ZNF662: variants seen among roughly 807,000 people sequenced by gnomAD.
The protein encoded by ZNF662 is zinc finger protein 662.
Under a neutral mutation model 12.4 loss-of-function variants are expected in ZNF662, and 14 were observed. The ratio of observed to expected loss-of-function variants is 1.13; its 90% CI spans 0.75 to 1.77. ZNF662 has a LOEUF of 1.77. Ranked by LOEUF, ZNF662 falls within the 40% of genes most tolerant of loss-of-function variation. The probability of loss-of-function intolerance (pLI) is 0.00; values close to 1 mark genes in which losing one functional copy is unlikely to be tolerated. For missense variants in ZNF662, 550 were observed against 515.6 expected, an observed-to-expected ratio of 1.07 and a Z score of -0.65; for synonymous variants, 184 against 176.4, an observed-to-expected ratio of 1.04 and a Z score of -0.34.
rs1473881937 is a variant in ZNF662, at chr3:42,915,631, TCTC to T, written c.*279_*281del. On this transcript the variant is annotated 3_prime_UTR_variant, in exon 5 of 5. Transcript: ENST00000440367. ...ACAATCCTATTAAGGTAGGTGCTCT[TCTC>T]CCCATTTTACAAATGAGAAATCTGA... is the stretch of plus-strand genomic sequence containing the variant. 3 of 312,388 alleles carry T rather than the reference TCTC, an allele frequency of 9.6e-6. No homozygotes were observed. Among genetic ancestry groups the T allele is most frequent in the African/African-American group, 6.4e-5 (3 of 47,140 alleles). 19.4% of individuals were successfully genotyped at this position (312,388 alleles called of 1,614,324 possible). A position where few individuals can be genotyped will look rare whatever the true frequency, so the allele number is the denominator to read the frequency against.
rs766450171 is a variant in ZNF662, at chr3:42,914,525, C to T, written c.452C>T (p.Thr151Ile). The change falls in exon 5 of 5, where the codon ACA (threonine) becomes ATA (isoleucine). Residue 151 changes from threonine to isoleucine, a missense_variant. Coordinates refer to ENST00000440367, the MANE Select transcript of ZNF662 (RefSeq NM_207404.4). ...YLNGGRMESS[T>I]NDIIEVIVKD... ...AATGGGGGACGTATGGAAAGTTCTACAAATGATATTATAGAAGTGATTGTC... is the reference window on the plus strand; with the variant it reads ...AATGGGGGACGTATGGAAAGTTCTATAAATGATATTATAGAAGTGATTGTC... The T allele has an allele frequency of 5.0e-6, 8 of 1,613,742 alleles. 1 individual carries two copies. In the South Asian group the frequency reaches 8.8e-5, roughly 18 times the overall value.
rs1462247276 is a variant in ZNF662, at chr3:42,918,356, C to G, written c.*3002C>G. On this transcript the variant is annotated 3_prime_UTR_variant, in exon 5 of 5. Coordinates refer to ENST00000440367, the MANE Select transcript of ZNF662 (RefSeq NM_207404.4). ...AAGAGGGGTCCTGCATGCAGGTTTT[C>G]CATCTCACTAAACTGAATACCAGGC... 6.6e-6 allele frequency among the ~76,000 whole-genome samples: 1 copy of G among 152,030 alleles called. No individual in the cohort carries two copies. The highest frequency in any genetic ancestry group is 2.4e-5 in the African/African-American group (1 of 41,434).
Position 42,915,233 on chromosome 3 carries a change from C to A in ZNF662, c.1160C>A (p.Pro387His). The part of the protein sequence containing the change: ...RHQRIHTGER[P>H]YKCNDCGKAF... ...CAAAGAATCCATACTGGGGAAAGAC[C>A]CTATAAATGTAATGACTGTGGGAAG... is the stretch of plus-strand genomic sequence containing the variant. The change falls in exon 5 of 5, where the codon CCC becomes CAC. Residue 387 changes from proline to histidine, a missense_variant. Coordinates refer to ENST00000440367, the MANE Select transcript of ZNF662 (RefSeq NM_207404.4). 1 of 1,613,920 alleles carries A rather than the reference C, an allele frequency of 6.2e-7. No individual in the cohort carries two copies. Among genetic ancestry groups the A allele is most frequent in the Non-Finnish European group, 8.5e-7 (1 of 1,179,974 alleles).
At chr3:42,912,224 T>A (rs1313683107) in intron 3 of ZNF662, among the ~76,000 whole-genome samples, 2 of 135,456 alleles carry the variant, frequency 1.5e-5, no homozygotes, top group East Asian at 2.0e-4. Flanking sequence ...ATCATATAAA[T>A]AAAATATATA....
At position 42,908,423 on chromosome 3, in the gene ZNF662, C is replaced by T. The variant is rs565106455; in HGVS notation, c.34+275C>T. 4.6e-5 allele frequency: 58 copies of T among 1,273,896 alleles called. 1 individual carries two copies. The highest frequency in any genetic ancestry group is 4.5e-5 in the Non-Finnish European group (45 of 1,009,020). 78.9% of individuals were successfully genotyped at this position (1,273,896 alleles called of 1,614,324 possible). ...AGAAGAGAGCAAATTCATGGTGCTCCACTGAGCCTTCAGTTCCCTCCCCTC... is the reference window on the plus strand; with the variant it reads ...AGAAGAGAGCAAATTCATGGTGCTCTACTGAGCCTTCAGTTCCCTCCCCTC... On this transcript the variant is annotated intron_variant, in intron 2 of 4. Transcript: ENST00000440367.
intron 3 of ZNF662, among the ~76,000 whole-genome samples, chr3:42,911,698 T>A (rs145603432): frequency 2.0e-5 from 3 of 150,668 alleles, no homozygotes; most frequent in East Asian, 3.9e-4. Flanking sequence ...GGATGAAGGT[T>A]ACAAAGAGAC....
In ZNF662 at chr3:42,912,558, A is replaced by ATATTTATATATTTAATATAAATATATT. The variant is rs3045049; in HGVS notation, c.152-640_152-639insTTATATATTTAATATAAATATATTTAT. 9.4e-3 allele frequency among the ~76,000 whole-genome samples: 840 copies of ATATTTATATATTTAATATAAATATATT among 89,138 alleles called. 29 individuals are homozygous for ATATTTATATATTTAATATAAATATATT. Among genetic ancestry groups the ATATTTATATATTTAATATAAATATATT allele is most frequent in the East Asian group, 0.046 (147 of 3,174 alleles). 58.5% of individuals were successfully genotyped at this position (89,138 alleles called of 152,430 possible). On this transcript the variant is annotated intron_variant, in intron 3 of 4. Coordinates refer to ENST00000440367, the MANE Select transcript of ZNF662 (RefSeq NM_207404.4). ...ATATATTTATATATTTAATATAAAT[A>ATATTTATATATTTAATATAAATATATT]TATATATAAATACATATTTTATATA...
chr3:42,907,583 TA>T, intron 1 of ZNF662: 1 of 742,908 alleles, frequency 1.3e-6, no homozygotes, highest in Non-Finnish European at 1.6e-6. Flanking sequence ...TTTCCTCTTC[TA>T]AAAAACGGAT....
chr3:42,912,671 T>TTATA (rs1353980486), intron 3 of ZNF662, among the ~76,000 whole-genome samples: 3 of 46,078 alleles, frequency 6.5e-5, no homozygotes, highest in Admixed American at 4.7e-4. Flanking sequence ...TATATATTTT[T>TTATA]TATATATATA....
intron 3 of ZNF662, among the ~76,000 whole-genome samples, chr3:42,909,829 C>T (rs1255305109): frequency 2.0e-5 from 3 of 150,700 alleles, no homozygotes; most frequent in South Asian, 2.1e-4. Context: ...AGTTCCCAGA[C>T]GGGGTCGCGG....
At position 42,915,283 on chromosome 3, in the gene ZNF662, AT is replaced by A; in HGVS notation, c.1212del (p.Lys405SerfsTer44). The A allele has an allele frequency of 6.2e-7, 1 of 1,612,828 alleles. No homozygotes were observed. Among genetic ancestry groups the A allele is most frequent in the Non-Finnish European group, 8.5e-7 (1 of 1,179,488 alleles). On this transcript the variant is annotated frameshift_variant, in exon 5 of 5. Transcript: ENST00000440367. LOFTEE classifies it low-confidence loss of function (END_TRUNC). ...GKAFSQNSVLIKHQRRHARDK... is the reference protein window; with the variant it reads ...GKAFSQNSVLXKHQRRHARDK... The stretch of plus-strand genomic sequence containing the variant: ...GGCCTTCAGTCAGAATTCTGTCTTA[AT>A]TAAGCACCAGAGGCGCCATGCTAGA...
rs1261566157 is a variant in ZNF662 at position 42,906,228 on chromosome 3, C to T, written c.-94+60C>T. The T allele has an allele frequency of 4.8e-6, 4 of 833,918 alleles. No individual in the cohort carries two copies. Among genetic ancestry groups the T allele is most frequent in the East Asian group, 3.3e-5 (1 of 30,736 alleles). The allele number at this position is 833,918 out of a possible 1,614,324, so 51.7% of individuals were successfully genotyped here. On this transcript the variant is annotated intron_variant, in intron 1 of 4. Coordinates refer to ENST00000440367, the MANE Select transcript of ZNF662 (RefSeq NM_207404.4). This position sits in a 1 kb window ranked among gnomAD's most constrained non-coding sequence, Gnocchi z 4.4. ...AGGGAGTGGAGTCGGGGTCTTACTC[C>T]GGTGGCTGCAGGGCGCAGGGTAGCC...
In ZNF662 at chr3:42,914,870, A is replaced by G. The variant is rs2088879740; in HGVS notation, c.797A>G (p.His266Arg). 3 of 1,614,094 alleles carry G rather than the reference A, an allele frequency of 1.9e-6. No individual in the cohort carries two copies. Among genetic ancestry groups the G allele is most frequent in the African/African-American group, 2.7e-5 (2 of 74,932 alleles). Residue 266 changes from histidine to arginine, a missense_variant, in exon 5 of 5, where the codon CAC (histidine) becomes CGC (arginine). Transcript: ENST00000440367. ...AFVWKSNLIR[H>R]QRIHTGEKPF... is the part of the protein sequence containing the mutation. ...GTTTGGAAGTCAAACCTGATTCGTC[A>G]CCAGAGAATACATACTGGAGAGAAA... is the stretch of plus-strand genomic sequence containing the variant.
Position 42,913,271 on chromosome 3 carries a change from G to A in ZNF662, c.222G>A (p.Leu74=), listed in dbSNP as rs1203956910. Residue 74 remains leucine, a synonymous_variant, in exon 4 of 5, where the codon CTG becomes CTA. Coordinates refer to ENST00000440367, the MANE Select transcript of ZNF662 (RefSeq NM_207404.4). ...TGGAAGAGCCATTAAACCTGAAACT[G>A]CAAGGAGAGGGTCCAAGCCTGATTT... The part of the protein sequence containing the change: ...EQVEEPLNLK[L]QGEGPSLICP... The A allele has an allele frequency of 1.9e-6, 3 of 1,613,872 alleles. No individual in the cohort carries two copies. Among genetic ancestry groups the A allele is most frequent in the Non-Finnish European group, 2.5e-6 (3 of 1,179,914 alleles).
rs1452517131 is a variant in ZNF662, at chr3:42,914,392, G to A, written c.319G>A (p.Asp107Asn). The A allele has an allele frequency of 6.2e-7, 1 of 1,613,674 alleles. No individual in the cohort carries two copies. Among genetic ancestry groups the A allele is most frequent in the Admixed American group, 1.7e-5 (1 of 59,918 alleles). The stretch of plus-strand genomic sequence containing the variant: ...GGAGGAAATTATTGAGGAAGCACAG[G>A]ACCTCATGGTCCTATCAAGTGGACC... ...LKEEIIEEAQ[D>N]LMVLSSGPQW... is the part of the protein sequence containing the mutation. Residue 107 changes from aspartate (D) to asparagine (N), a missense_variant, in exon 5 of 5, where the codon GAC (aspartate) becomes AAC (asparagine). By Grantham distance (23) the Asp-to-Asn change is conservative. Transcript: ENST00000440367.
chr3:42,911,406 C>T (rs1039558492), intron 3 of ZNF662, among the ~76,000 whole-genome samples: 2 of 152,172 alleles, frequency 1.3e-5, no homozygotes, highest in African/African-American at 4.8e-5. Flanking sequence ...ACCACCACAG[C>T]GTCTTCTGCA....
intron 2 of ZNF662, 106 bp downstream of exon 2, chr3:42,908,254 T>A (rs912997371): frequency 6.8e-7 from 1 of 1,481,148 alleles, no homozygotes; most frequent in Non-Finnish European, 9.0e-7. Context: ...CAATGGCAGC[T>A]TCAGGCTCTT....
intron 3 of ZNF662, among the ~76,000 whole-genome samples, chr3:42,909,211 C>G (rs528141171): frequency 6.6e-6 from 1 of 152,098 alleles, no homozygotes; most frequent in East Asian, 1.9e-4. Context: ...AGGGCCCTGC[C>G]GCCTTCCGTA....
intron 3 of ZNF662, among the ~76,000 whole-genome samples, chr3:42,911,735 G>A (rs2088793914): frequency 6.6e-6 from 1 of 152,198 alleles, no homozygotes; most frequent in Non-Finnish European, 1.5e-5. Context: ...GAAGTAAGGT[G>A]TATTACAGTA....
Sources: allele counts gnomAD v4.1 joint callset (sites outside exome capture counted in the v4.1 genomes callset), GRCh38; gene constraint gnomAD v4.1.1; non-coding constraint Gnocchi (gnomAD v3.1); transcripts MANE v1.5; gene names NCBI Gene and HGNC (gene_info 2026-07-23, HGNC 2026-07-21).